Variants in GMDS observed in about 807,000 individuals in gnomAD.
GMDS encodes GDP-mannose 4,6-dehydratase.
Under a neutral mutation model 49.9 loss-of-function variants are expected in GMDS, and 20 were observed. The ratio of observed to expected loss-of-function variants is 0.40; its 90% CI spans 0.28 to 0.58. The LOEUF (loss-of-function observed/expected upper bound fraction) is 0.58, where lower values mean the gene tolerates loss of function less well. Ranked by LOEUF, GMDS falls within the 20% of genes least tolerant of loss-of-function variation. The probability of loss-of-function intolerance (pLI) is 0.42; values close to 1 mark genes in which losing one functional copy is unlikely to be tolerated. For missense variants in GMDS, 362 were observed against 481.4 expected (o/e 0.75, Z 2.32); for synonymous variants, 177 against 178.6 (o/e 0.99, Z 0.07).
intron 9 of GMDS, among the ~76,000 whole-genome samples, chr6:1,630,559 A>C (rs1762968414): frequency 6.6e-6 from 1 of 152,208 alleles, no homozygotes; most frequent in South Asian, 2.1e-4. Flanking sequence ...GAGCAGAGGA[A>C]AGCACTTCTC....
At chr6:1,877,544 G>A (rs1759134586) in intron 7 of GMDS, among the ~76,000 whole-genome samples, 1 of 151,264 alleles carries the variant, frequency 6.6e-6, no homozygotes. Flanking sequence ...AAGTTGAGGA[G>A]GGAGGATCAC....
intron 4 of GMDS, among the ~76,000 whole-genome samples, chr6:2,102,229 A>G (rs1773966576): frequency 6.6e-6 from 1 of 152,168 alleles, no homozygotes; most frequent in Non-Finnish European, 1.5e-5. Context: ...AGGGCATCAA[A>G]AACTATAAAG....
intron 1 of GMDS, among the ~76,000 whole-genome samples, chr6:2,181,961 A>C (rs2127562071): frequency 6.6e-6 from 1 of 152,364 alleles, no homozygotes; most frequent in Admixed American, 6.5e-5. Flanking sequence ...AGACCGGCTG[A>C]AAGGTAGCCT....
chr6:1,736,213 C>A (rs1411165190), intron 8 of GMDS, among the ~76,000 whole-genome samples: 1 of 152,176 alleles, frequency 6.6e-6, no homozygotes, highest in African/African-American at 2.4e-5. Flanking sequence ...AACAAAGGCA[C>A]TACAACATCA....
chr6:2,030,420 G>C (rs966232179), intron 4 of GMDS, among the ~76,000 whole-genome samples: 1 of 152,184 alleles, frequency 6.6e-6, no homozygotes, highest in African/African-American at 2.4e-5. Flanking sequence ...GTAGGACGAG[G>C]TTAAGAGGGA....
intron 9 of GMDS, among the ~76,000 whole-genome samples, chr6:1,678,373 C>A (rs1303045930): frequency 6.6e-6 from 1 of 152,192 alleles, no homozygotes; most frequent in African/African-American, 2.4e-5. Flanking sequence ...GCAGCTGCTG[C>A]TCCTGGCAAG....
In GMDS at chr6:2,017,320, T is replaced by C. The variant is rs553740679; in HGVS notation, c.346-56354A>G. Among the ~76,000 whole-genome samples the C allele has an allele frequency of 6.7e-3, 953 of 142,574 alleles. 10 individuals carry two copies. Among genetic ancestry groups the C allele is most frequent in the Admixed American group, 0.021 (305 of 14,632 alleles). The allele number at this position is 142,574 out of a possible 152,430, so 93.5% of individuals were successfully genotyped here. On this transcript the variant is annotated intron_variant, in intron 4 of 10. Transcript: ENST00000380815. ...AGTTGATTCTTTTTATTTTTTTTTT[T>C]CCCCCTGAGACAGAGTCTCACTCTG... is the stretch of plus-strand genomic sequence containing the variant.
intron 4 of GMDS, among the ~76,000 whole-genome samples, chr6:2,030,690 T>G (rs1224240966): frequency 6.6e-6 from 1 of 152,144 alleles, no homozygotes; most frequent in Non-Finnish European, 1.5e-5. Flanking sequence ...TAACAGATTT[T>G]TTTTAAGTAG....
chr6:1,638,997 T>C (rs180881445), intron 9 of GMDS, among the ~76,000 whole-genome samples: 1 of 152,186 alleles, frequency 6.6e-6, no homozygotes, highest in Non-Finnish European at 1.5e-5. Flanking sequence ...CGTTCATACA[T>C]GCAGTCAGCC....
intron 7 of GMDS, among the ~76,000 whole-genome samples, chr6:1,754,236 A>G (rs893118718): frequency 6.6e-6 from 1 of 152,234 alleles, no homozygotes; most frequent in Non-Finnish European, 1.5e-5. Flanking sequence ...ACAAACTACC[A>G]TCAGAGAATA....
At chr6:2,099,780 T>A (rs1005806056) in intron 4 of GMDS, among the ~76,000 whole-genome samples, 1 of 152,134 alleles carries the variant, frequency 6.6e-6, no homozygotes, top group Non-Finnish European at 1.5e-5. Flanking sequence ...TATAAAGTTT[T>A]AAATATTTCT....
intron 1 of GMDS, 138 bp downstream of exon 1, chr6:2,245,183 C>A: frequency 1.5e-6 from 1 of 646,532 alleles, no homozygotes; most frequent in Non-Finnish European, 2.7e-6. Context: ...CCTTCCGTCC[C>A]ACCTCCCGGC....
chr6:2,007,362 C>T (rs1373878861), intron 4 of GMDS, among the ~76,000 whole-genome samples: 5 of 152,018 alleles, frequency 3.3e-5, no homozygotes, highest in East Asian at 1.9e-4. Context: ...CAATTCTAAG[C>T]GTGTACACTT....
chr6:2,007,239 G>A (rs1484437783), intron 4 of GMDS, among the ~76,000 whole-genome samples: 1 of 152,142 alleles, frequency 6.6e-6, no homozygotes, highest in Non-Finnish European at 1.5e-5. Flanking sequence ...GTGTGTGTGT[G>A]TGCATCTGTG....
intron 4 of GMDS, among the ~76,000 whole-genome samples, chr6:1,974,191 CT>C (rs1421246678): frequency 6.6e-6 from 1 of 150,754 alleles, no homozygotes; most frequent in African/African-American, 2.4e-5. Flanking sequence ...GTAAAAGAGC[CT>C]TTTTAAAATA....
chr6:1,871,058 G>GCACACACACACACACACACA, intron 7 of GMDS, among the ~76,000 whole-genome samples: 1 of 147,212 alleles, frequency 6.8e-6, no homozygotes, highest in African/African-American at 2.5e-5. Context: ...CTATCCCCCA[G>GCACACACACACACACACACA]CACACACACA....
At chr6:1,797,319 T>C (rs977878929) in intron 7 of GMDS, among the ~76,000 whole-genome samples, 2 of 152,216 alleles carry the variant, frequency 1.3e-5, no homozygotes, top group Non-Finnish European at 2.9e-5. Context: ...ATAGCTGGCC[T>C]GCTATAAGCA....
intron 1 of GMDS, among the ~76,000 whole-genome samples, chr6:2,216,412 T>C (rs1035284511): frequency 1.3e-5 from 2 of 152,244 alleles, no homozygotes; most frequent in Admixed American, 6.5e-5. Context: ...ATGAAACAGA[T>C]TCTACCTTAA....
intron 4 of GMDS, among the ~76,000 whole-genome samples, chr6:2,059,564 C>T (rs1384411107): frequency 3.4e-5 from 5 of 147,228 alleles, no homozygotes; most frequent in Admixed American, 2.7e-4. Context: ...AAAAATTAGC[C>T]GGGCGTGGTA....
Sources: gnomAD v4.1 joint callset for allele counts (sites outside exome capture counted in the v4.1 genomes callset) on GRCh38, gnomAD v4.1.1 for gene constraint, MANE v1.5 for transcripts, NCBI Gene and HGNC (gene_info 2026-07-23, HGNC 2026-07-21) for gene names.